The following PHIP variants were observed in gnomAD, a reference collection of about 807,000 sequenced individuals.
PHIP encodes PHIP subunit of CUL4-Ring ligase complex, also known as PH-interacting protein.
Under a neutral mutation model 236.8 loss-of-function variants are expected in PHIP, and 54 were observed. The observed-to-expected ratio is 0.23, with a 90% CI of 0.18 to 0.29. The LOEUF (loss-of-function observed/expected upper bound fraction) is 0.29, where lower values mean the gene tolerates loss of function less well. Ranked by LOEUF, PHIP falls within the 10% of genes least tolerant of loss-of-function variation. PHIP has a pLI of 1.00. For synonymous variants in PHIP, 756 were observed against 718.9 expected, an observed-to-expected ratio of 1.05 and a Z score of -0.83; for missense variants, 1,370 against 2,190.8, an observed-to-expected ratio of 0.63 and a Z score of 7.48.
intron 35 of PHIP, among the ~76,000 whole-genome samples, chr6:78,950,689 T>C (rs1774092958): frequency 6.6e-6 from 1 of 151,986 alleles, no homozygotes; most frequent in Non-Finnish European, 1.5e-5. Flanking sequence ...TACAGTGATA[T>C]GCTCTATATC....
chr6:78,995,020 C>G (rs930918595), intron 19 of PHIP, among the ~76,000 whole-genome samples: 1 of 152,140 alleles, frequency 6.6e-6, no homozygotes, highest in South Asian at 2.1e-4. Flanking sequence ...GGTCTGAAAC[C>G]AAACCTGCAA....
chr6:78,998,132 T>C, intron 18 of PHIP, 122 bp downstream of exon 18: 2 of 675,380 alleles, frequency 3.0e-6, no homozygotes, highest in South Asian at 2.0e-5. Context: ...CATGATCATT[T>C]TGGCAACCTA....
At chr6:78,978,423 T>C (rs936792308) in intron 24 of PHIP, among the ~76,000 whole-genome samples, 169 bp downstream of exon 24, 8 of 152,138 alleles carry the variant, frequency 5.3e-5, no homozygotes, top group Non-Finnish European at 5.9e-5. Context: ...TCAAAGAAGA[T>C]TATTAGACTT....
chr6:78,984,974 T>C (rs1418353168), intron 22 of PHIP, among the ~76,000 whole-genome samples: 1 of 152,212 alleles, frequency 6.6e-6, no homozygotes, highest in Non-Finnish European at 1.5e-5. Context: ...GGAGAGCTTA[T>C]TCCTCTTATC....
At chr6:78,959,891 A>G (rs1020540595) in intron 31 of PHIP, among the ~76,000 whole-genome samples, 1 of 152,178 alleles carries the variant, frequency 6.6e-6, no homozygotes, top group Non-Finnish European at 1.5e-5. Flanking sequence ...TACTTAACCT[A>G]GCAAATATTT....
rs566075406 is a variant in PHIP at position 79,016,018 on chromosome 6, A to G, written c.1236-235T>C. ...CCATTAGTAAGATGATCTTGCATAA[A>G]TATCACTGCTATAACTCTATCTAGA... On this transcript the variant is annotated intron_variant, in intron 13 of 39. Coordinates refer to ENST00000275034, the MANE Select transcript of PHIP (RefSeq NM_017934.7). Among the ~76,000 whole-genome samples, 179 of 151,966 alleles carry G rather than the reference A, an allele frequency of 1.2e-3. 4 individuals carry two copies. Among genetic ancestry groups the G allele is most frequent in the Admixed American group, 0.011 (166 of 15,222 alleles).
At chr6:79,049,282 G>A (rs572279269) in intron 6 of PHIP, among the ~76,000 whole-genome samples, 10 of 151,994 alleles carry the variant, frequency 6.6e-5, no homozygotes, top group Admixed American at 2.0e-4. Flanking sequence ...GGCTGGTCTC[G>A]AACTCCCAGC....
At chr6:79,053,559 T>C (rs1483283551) in intron 6 of PHIP, among the ~76,000 whole-genome samples, 3 of 152,152 alleles carry the variant, frequency 2.0e-5, no homozygotes, top group Admixed American at 1.3e-4. Context: ...GCTGAACAAA[T>C]TATTCCTTTG....
chr6:78,989,715 G>T (rs1023621454), intron 20 of PHIP, among the ~76,000 whole-genome samples: 3 of 152,054 alleles, frequency 2.0e-5, no homozygotes, highest in African/African-American at 7.2e-5. Flanking sequence ...TGAATTAAGA[G>T]ATAAGCACAT....
At chr6:78,966,339 G>A (rs1767130736) in intron 27 of PHIP, among the ~76,000 whole-genome samples, 1 of 152,098 alleles carries the variant, frequency 6.6e-6, no homozygotes, top group Non-Finnish European at 1.5e-5. Context: ...TACCAATCTA[G>A]CATTTGAAAT....
chr6:79,072,166 T>C (rs1310198917), intron 4 of PHIP, among the ~76,000 whole-genome samples: 1 of 152,158 alleles, frequency 6.6e-6, no homozygotes, highest in African/African-American at 2.4e-5. Flanking sequence ...ATCTCACAAA[T>C]AACTGTATAG....
At chr6:78,989,577 T>C (rs555253802) in intron 20 of PHIP, among the ~76,000 whole-genome samples, 5 of 152,316 alleles carry the variant, frequency 3.3e-5, no homozygotes, top group Middle Eastern at 3.4e-3. Context: ...ACATAAATAA[T>C]AACTGGTTAT....
intron 6 of PHIP, among the ~76,000 whole-genome samples, chr6:79,044,904 C>T (rs1217496924): frequency 6.6e-6 from 1 of 152,064 alleles, no homozygotes; most frequent in Non-Finnish European, 1.5e-5. Flanking sequence ...ACAGGTTTTA[C>T]TGAATCTTTG....
chr6:78,967,891 T>C (rs761156846), intron 27 of PHIP, among the ~76,000 whole-genome samples: 1 of 152,018 alleles, frequency 6.6e-6, no homozygotes, highest in Non-Finnish European at 1.5e-5. Flanking sequence ...TCCTAGCACT[T>C]TGGGAGGCTG....
Position 78,945,508 on chromosome 6 carries a change from C to G in PHIP, c.4631-11G>C, listed in dbSNP as rs113314374. On this transcript the variant is annotated splice_polypyrimidine_tract_variant and intron_variant, in intron 38 of 39. Transcript: ENST00000275034. ...CAGAATTCTCTAGTACTAAAACATA[C>G]AAACAAAATTTAAAAATTAAGAGTT... 33 of 1,521,388 alleles carry G rather than the reference C, an allele frequency of 2.2e-5. No homozygotes were observed. The African/African-American group carries it at 3.7e-4, about 17-fold the overall frequency. The allele number at this position is 1,521,388 out of a possible 1,614,324, so 94.2% of individuals were successfully genotyped here.
chr6:79,054,392 TAGAAAAAC>T (rs1171260602), intron 6 of PHIP, among the ~76,000 whole-genome samples: 2 of 145,428 alleles, frequency 1.4e-5, no homozygotes, highest in Non-Finnish European at 3.0e-5. Flanking sequence ...AAATTATGAC[TAGAAAAAC>T]AGAAAATGAG....
rs137978843 is a variant in PHIP at position 78,962,071 on chromosome 6, A to G, written c.3536-261T>C. On this transcript the variant is annotated intron_variant, in intron 30 of 39. Coordinates refer to ENST00000275034, the MANE Select transcript of PHIP (RefSeq NM_017934.7). Reference sequence around the variant, plus strand: ...GAAACAAATTATATATACATATATCAGACCTAATAAGTACACATACATTGC... The same window carrying G: ...GAAACAAATTATATATACATATATCGGACCTAATAAGTACACATACATTGC... Among the ~76,000 whole-genome samples, 6 of 152,308 alleles carry G rather than the reference A, an allele frequency of 3.9e-5. No homozygotes were observed. The East Asian group carries it at 9.6e-4, about 24-fold the overall frequency.
intron 15 of PHIP, among the ~76,000 whole-genome samples, chr6:79,010,330 C>G (rs1770514155): frequency 6.6e-6 from 1 of 151,654 alleles, no homozygotes; most frequent in Non-Finnish European, 1.5e-5. Context: ...AGATTGGCAG[C>G]CTCTGCTCGT....
intron 9 of PHIP, among the ~76,000 whole-genome samples, chr6:79,024,796 C>T (rs754534572): frequency 4.6e-5 from 7 of 152,158 alleles, no homozygotes; most frequent in Middle Eastern, 3.4e-3. Flanking sequence ...CACAGTGAGA[C>T]TCCGTCTCAA....
Sources: allele counts gnomAD v4.1 joint callset (sites outside exome capture counted in the v4.1 genomes callset), GRCh38; gene constraint gnomAD v4.1.1; transcripts MANE v1.5; gene names NCBI Gene and HGNC (gene_info 2026-07-23, HGNC 2026-07-21).